COL25A1: variants seen among roughly 807,000 people sequenced by gnomAD.
The protein encoded by COL25A1 is collagen alpha-1(XXV) chain.
COL25A1 carries 103 observed loss-of-function variants against 128.4 expected under a neutral mutation model. That is an observed-to-expected ratio of 0.80 (90% confidence interval 0.68 to 0.94). COL25A1 has a LOEUF of 0.94. Among genes scored for constraint, COL25A1 ranks in the 40% least tolerant of loss-of-function variants. The pLI, the probability that COL25A1 is intolerant of heterozygous loss-of-function variation, is 0.00. For synonymous variants in COL25A1, 279 were observed against 277.2 expected, an observed-to-expected ratio of 1.01 and a Z score of -0.06; for missense variants, 745 against 840.0, an observed-to-expected ratio of 0.89 and a Z score of 1.40.
At chr4:108,986,940 CA>C (rs1753714397) in intron 6 of COL25A1, among the ~76,000 whole-genome samples, 1 of 152,052 alleles carries the variant, frequency 6.6e-6, no homozygotes, top group South Asian at 2.1e-4. Context: ...CTAAACAAAA[CA>C]AAATAAATGA....
At chr4:108,833,594 A>T (rs1000621228) in intron 31 of COL25A1, among the ~76,000 whole-genome samples, 1 of 152,212 alleles carries the variant, frequency 6.6e-6, no homozygotes, top group Admixed American at 6.5e-5. Context: ...AATATTTGCA[A>T]ATGTAGGAAC....
chr4:109,055,115 T>C (rs1443354294), intron 3 of COL25A1, among the ~76,000 whole-genome samples: 1 of 152,216 alleles, frequency 6.6e-6, no homozygotes, highest in Admixed American at 6.5e-5. Flanking sequence ...GTTTGCTTGC[T>C]TAATGCCTGA....
chr4:109,272,340 A>G (rs1207515469), intron 3 of COL25A1, among the ~76,000 whole-genome samples: 1 of 152,222 alleles, frequency 6.6e-6, no homozygotes, highest in Non-Finnish European at 1.5e-5. Context: ...CACTGTGTAA[A>G]TGAACTGCCA....
At chr4:108,817,545 G>C in intron 36 of COL25A1, 110 bp from the exon 37 acceptor site, 1 of 902,470 alleles carries the variant, frequency 1.1e-6, no homozygotes, top group South Asian at 1.8e-5. Flanking sequence ...TAGTGACTTT[G>C]GTCATGGGCA....
Position 108,889,682 on chromosome 4 carries a change from C to A in COL25A1, c.939+19G>T. The A allele has an allele frequency of 6.2e-7, 1 of 1,612,018 alleles. No individual in the cohort carries two copies. The highest frequency in any genetic ancestry group is 8.5e-7 in the Non-Finnish European group (1 of 1,178,302). On this transcript the variant is annotated intron_variant, in intron 17 of 37. Transcript: ENST00000399132. ...AACTGTAACTCCTGGAGTACAAATA[C>A]TTGCAAGGTTATAGTTACCTTAATT...
At chr4:109,010,155 G>T (rs1015577286) in intron 6 of COL25A1, among the ~76,000 whole-genome samples, 9 of 152,266 alleles carry the variant, frequency 5.9e-5, no homozygotes, top group Admixed American at 1.3e-4. Flanking sequence ...TGTTAAATCT[G>T]CCATCTGGCC....
chr4:108,843,710 C>T (rs998677763), intron 30 of COL25A1, among the ~76,000 whole-genome samples: 10 of 152,046 alleles, frequency 6.6e-5, no homozygotes, highest in Admixed American at 2.0e-4. Flanking sequence ...AAGTAAGCTG[C>T]AATTTTTATC....
chr4:108,919,660 T>C (rs1218020659), intron 12 of COL25A1, among the ~76,000 whole-genome samples: 1 of 152,208 alleles, frequency 6.6e-6, no homozygotes, highest in African/African-American at 2.4e-5. Context: ...GACTTAGTGA[T>C]ATTTTGTTGG....
At chr4:109,027,917 T>A (rs762386421) in intron 5 of COL25A1, among the ~76,000 whole-genome samples, 1 of 152,116 alleles carries the variant, frequency 6.6e-6, no homozygotes, top group South Asian at 2.1e-4. Context: ...CTAGGAGACA[T>A]CCATGTGCAA....
intron 3 of COL25A1, among the ~76,000 whole-genome samples, chr4:109,051,545 A>G (rs1489300756): frequency 6.6e-6 from 1 of 152,010 alleles, no homozygotes; most frequent in African/African-American, 2.4e-5. Context: ...AATCATATAA[A>G]TGAGTAAATG....
chr4:108,870,854 A>C (rs1347125195), intron 19 of COL25A1, among the ~76,000 whole-genome samples: 1 of 152,242 alleles, frequency 6.6e-6, no homozygotes, highest in Non-Finnish European at 1.5e-5. Context: ...TAATATGTTG[A>C]AAGTTTACAC....
intron 3 of COL25A1, among the ~76,000 whole-genome samples, chr4:109,237,965 A>T (rs571262917): frequency 6.6e-6 from 1 of 152,182 alleles, no homozygotes; most frequent in African/African-American, 2.4e-5. Context: ...ATCTTCAAGG[A>T]TCATCCATGT....
At chr4:108,882,746 CAA>C (rs1740280911) in intron 19 of COL25A1, among the ~76,000 whole-genome samples, 1 of 151,916 alleles carries the variant, frequency 6.6e-6, no homozygotes. Flanking sequence ...CCAAAGAAGC[CAA>C]AGACTAAAAA....
At chr4:108,838,178 C>G in intron 31 of COL25A1, 1 of 1,550,068 alleles carries the variant, frequency 6.5e-7, no homozygotes, top group Admixed American at 2.0e-5. Context: ...CCTGGTTCAC[C>G]CTAAATGCAA....
chr4:109,225,850 T>C (rs1399645979), intron 3 of COL25A1, among the ~76,000 whole-genome samples: 3 of 152,060 alleles, frequency 2.0e-5, no homozygotes, highest in Non-Finnish European at 2.9e-5. Context: ...TGGAACACTA[T>C]TGTATTCCAA....
chr4:108,940,072 T>C (rs1039697622), intron 10 of COL25A1, among the ~76,000 whole-genome samples: 11 of 152,202 alleles, frequency 7.2e-5, no homozygotes, highest in Non-Finnish European at 1.5e-4. Flanking sequence ...TCCTCTACTT[T>C]CCATAAATAG....
chr4:108,884,536 G>A (rs1471693178), intron 18 of COL25A1, among the ~76,000 whole-genome samples: 2 of 152,098 alleles, frequency 1.3e-5, no homozygotes, highest in African/African-American at 4.8e-5. Context: ...TTCCTTAAAT[G>A]ATTCGGTGGG....
At chr4:109,229,193 T>C (rs566054121) in intron 3 of COL25A1, among the ~76,000 whole-genome samples, 20 of 152,232 alleles carry the variant, frequency 1.3e-4, no homozygotes, top group Non-Finnish European at 2.9e-4. Context: ...TTGTAAGGTC[T>C]TCCTGATTAT....
intron 3 of COL25A1, among the ~76,000 whole-genome samples, chr4:109,081,307 A>T (rs1484551990): frequency 6.6e-6 from 1 of 152,232 alleles, no homozygotes; most frequent in Non-Finnish European, 1.5e-5. Flanking sequence ...AAAAAGGGCA[A>T]GGGATATACA....
Sources: allele counts gnomAD v4.1 joint callset (sites outside exome capture counted in the v4.1 genomes callset), GRCh38; gene constraint gnomAD v4.1.1; transcripts MANE v1.5; gene names NCBI Gene and HGNC (gene_info 2026-07-23, HGNC 2026-07-21).